Variants in RHBDL3 observed in about 807,000 individuals in gnomAD.
The protein encoded by RHBDL3 is rhomboid like 3, also known as rhomboid-related protein 3.
A neutral mutation model predicts 48.2 loss-of-function variants in RHBDL3; 28 were observed. That is an observed-to-expected ratio of 0.58 (90% CI 0.43 to 0.80). The LOEUF is 0.80. Among genes scored for constraint, RHBDL3 ranks in the 30% least tolerant of loss-of-function variants. The pLI, the probability that RHBDL3 is intolerant of heterozygous loss-of-function variation, is 0.00. For missense variants in RHBDL3, 464 were observed against 542.7 expected (o/e 0.85, Z 1.44); for synonymous variants, 208 against 232.3 (o/e 0.90, Z 0.95).
At chr17:32,319,435 A>AAC (rs1195250674) in intron 8 of RHBDL3, among the ~76,000 whole-genome samples, 5 of 151,832 alleles carry the variant, frequency 3.3e-5, no homozygotes, top group African/African-American at 9.7e-5. Flanking sequence ...AAAAAAAAAA[A>AAC]AAAAAAAAAT....
rs746361091 is a variant in RHBDL3, at chr17:32,266,180, C to T, written c.-10C>T. 8.5e-7 allele frequency: 1 copy of T among 1,171,536 alleles called. No homozygotes were observed. Among genetic ancestry groups the T allele is most frequent in the Non-Finnish European group, 1.1e-6 (1 of 939,126 alleles). 72.6% of individuals were successfully genotyped at this position (1,171,536 alleles called of 1,614,324 possible). A position where few individuals can be genotyped will look rare whatever the true frequency, so the allele number is the denominator to read the frequency against. ...CGCAGCCGCCGCCGCCCCCGGACCCCGTCTCGGCCATGGGCGAGCACCCCA... is the reference window on the plus strand; with the variant it reads ...CGCAGCCGCCGCCGCCCCCGGACCCTGTCTCGGCCATGGGCGAGCACCCCA... On this transcript the variant is annotated 5_prime_UTR_variant, in exon 1 of 9. Transcript: ENST00000269051.
At chr17:32,273,644 A>G (rs544532414) in intron 2 of RHBDL3, among the ~76,000 whole-genome samples, 1 of 152,366 alleles carries the variant, frequency 6.6e-6, no homozygotes, top group Non-Finnish European at 1.5e-5. Flanking sequence ...TGCTTGGCAC[A>G]GTATGTAGTG....
intron 7 of RHBDL3, among the ~76,000 whole-genome samples, chr17:32,307,703 A>C (rs2040744236): frequency 6.6e-6 from 1 of 152,176 alleles, no homozygotes; most frequent in East Asian, 1.9e-4. Context: ...GTGTTTGCAC[A>C]TGCACACACT....
intron 3 of RHBDL3, among the ~76,000 whole-genome samples, chr17:32,285,216 G>A (rs1484988315): frequency 2.0e-5 from 3 of 152,190 alleles, no homozygotes; most frequent in African/African-American, 4.8e-5. Context: ...CCTTCTTGGT[G>A]TAGCTCTTGC....
chr17:32,317,397 C>T (rs1016192865), intron 8 of RHBDL3, among the ~76,000 whole-genome samples: 5 of 152,176 alleles, frequency 3.3e-5, no homozygotes, highest in Non-Finnish European at 7.3e-5. Flanking sequence ...TTAGCAGGTT[C>T]GCAAACTGTA....
intron 2 of RHBDL3, among the ~76,000 whole-genome samples, chr17:32,283,179 G>A (rs1036158440): frequency 1.3e-5 from 2 of 152,072 alleles, no homozygotes; most frequent in African/African-American, 4.8e-5. Context: ...AGCACCTTCT[G>A]AACAAGAAAG....
At chr17:32,274,819 TGA>T (rs2039856023) in intron 2 of RHBDL3, among the ~76,000 whole-genome samples, 2 of 152,042 alleles carry the variant, frequency 1.3e-5, no homozygotes, top group Admixed American at 1.3e-4. Context: ...TGTTTGTGCA[TGA>T]GTGTGCATGT....
chr17:32,302,766 G>A (rs551481544), intron 6 of RHBDL3, among the ~76,000 whole-genome samples: 3 of 152,134 alleles, frequency 2.0e-5, no homozygotes, highest in South Asian at 2.1e-4. Context: ...CCCGAGCCGC[G>A]GCCCCTGGAT....
intron 2 of RHBDL3, among the ~76,000 whole-genome samples, chr17:32,279,587 C>T (rs1394511555): frequency 6.6e-6 from 1 of 152,186 alleles, no homozygotes; most frequent in Admixed American, 6.5e-5. Flanking sequence ...GCTGTGATCC[C>T]GAATGTCCTG....
intron 7 of RHBDL3, among the ~76,000 whole-genome samples, chr17:32,310,718 A>ATAT (rs11445963): frequency 2.6e-5 from 1 of 38,494 alleles, no homozygotes; most frequent in Non-Finnish European, 8.2e-5. Flanking sequence ...GTCTAAAAAA[A>ATAT]ATATATATAT....
At chr17:32,287,788 G>A (rs756621803) in intron 3 of RHBDL3, among the ~76,000 whole-genome samples, 3 of 152,216 alleles carry the variant, frequency 2.0e-5, no homozygotes, top group Non-Finnish European at 4.4e-5. Flanking sequence ...CAGCTGAGGT[G>A]TGGGCTTGGG....
At chr17:32,318,361 G>A (rs1040617384) in intron 8 of RHBDL3, among the ~76,000 whole-genome samples, 6 of 149,724 alleles carry the variant, frequency 4.0e-5, no homozygotes, top group African/African-American at 7.5e-5. Flanking sequence ...AAAAGGCCAG[G>A]CGCAGTGGCT....
intron 4 of RHBDL3, among the ~76,000 whole-genome samples, chr17:32,292,083 T>A (rs778877240): frequency 2.6e-5 from 4 of 152,176 alleles, no homozygotes; most frequent in Non-Finnish European, 4.4e-5. Context: ...ACCTGAGATA[T>A]TCTTAAACAG....
At chr17:32,282,182 T>C (rs2040068770) in intron 2 of RHBDL3, among the ~76,000 whole-genome samples, 1 of 152,104 alleles carries the variant, frequency 6.6e-6, no homozygotes, top group African/African-American at 2.4e-5. Context: ...AGTAGGTGAG[T>C]TTCCTGAAAT....
intron 2 of RHBDL3, among the ~76,000 whole-genome samples, chr17:32,275,763 C>T (rs886652523): frequency 1.3e-5 from 2 of 152,232 alleles, no homozygotes; most frequent in Admixed American, 1.3e-4. Flanking sequence ...GGGAGAAGCA[C>T]CATGAGAGGG....
At chr17:32,292,416 G>A (rs1242173674) in intron 4 of RHBDL3, among the ~76,000 whole-genome samples, 2 of 152,192 alleles carry the variant, frequency 1.3e-5, no homozygotes, top group African/African-American at 4.8e-5. Flanking sequence ...GACTGGAAGA[G>A]ATATTGATAC....
chr17:32,305,297 C>CGAGTCCCGCACTCCT (rs2040682519), intron 6 of RHBDL3, 44 bp from the exon 7 acceptor site: 4 of 1,393,856 alleles, frequency 2.9e-6, no homozygotes, highest in Non-Finnish European at 4.1e-6. Flanking sequence ...TTGGGTGAGC[C>CGAGTCCCGCACTCCT]GAGTCCCGCA....
intron 8 of RHBDL3, among the ~76,000 whole-genome samples, chr17:32,319,463 A>G (rs966579616): frequency 7.9e-5 from 12 of 151,940 alleles, no homozygotes; most frequent in Admixed American, 4.6e-4. Flanking sequence ...TAAGCATCAT[A>G]AAAACTAAAA....
chr17:32,320,932 C>T, intron 8 of RHBDL3, 26 bp from the exon 9 acceptor site: 1 of 1,583,578 alleles, frequency 6.3e-7, no homozygotes, highest in African/African-American at 1.3e-5. Flanking sequence ...CCTCCTGTGA[C>T]ATCTCTCTGC....
Sources: gnomAD v4.1 joint callset for allele counts (sites outside exome capture counted in the v4.1 genomes callset) on GRCh38, gnomAD v4.1.1 for gene constraint, MANE v1.5 for transcripts, NCBI Gene and HGNC (gene_info 2026-07-23, HGNC 2026-07-21) for gene names.